The following SYNE2 variants were observed in gnomAD, a reference collection of about 807,000 sequenced individuals.
The protein encoded by SYNE2 is spectrin repeat containing nuclear envelope protein 2.
Under a neutral mutation model 856.3 loss-of-function variants are expected in SYNE2, and 431 were observed. That is an observed-to-expected ratio of 0.50 (90% CI 0.47 to 0.55). The LOEUF (loss-of-function observed/expected upper bound fraction) is 0.55. SYNE2 is among the 20% of genes least tolerant of loss of function. The pLI is 0.00. For missense variants in SYNE2, 8,129 were observed against 8,023.2 expected (o/e 1.01, Z -0.50); for synonymous variants, 2,923 against 2,872.3 (o/e 1.02, Z -0.56).
Position 63,872,697 on chromosome 14 carries a change from G to C in SYNE2, c.-52+19554G>C, listed in dbSNP as rs1897142337. Reference sequence around the variant, plus strand: ...GAATCGCTTGAAACCGGGAGGCAGAGGCTGCAGTGGCCTAAGATCACACCA... The same window carrying C: ...GAATCGCTTGAAACCGGGAGGCAGACGCTGCAGTGGCCTAAGATCACACCA... On this transcript the variant is annotated intron_variant, in intron 1 of 115. Coordinates refer to ENST00000555002, the MANE Select transcript of SYNE2 (RefSeq NM_182914.3). Among the ~76,000 whole-genome samples, 2 of 149,648 alleles carry C rather than the reference G, an allele frequency of 1.3e-5. 1 individual carries two copies. The highest frequency in any genetic ancestry group is 4.2e-4 in the South Asian group (2 of 4,742).
At chr14:64,026,817 G>A (rs1254606796) in intron 42 of SYNE2, 87 bp downstream of exon 42, 31 of 1,475,186 alleles carry the variant, frequency 2.1e-5, no homozygotes, top group Non-Finnish European at 1.9e-6. Context: ...CCTGGGTTTG[G>A]ATATAATATC....
rs1040490055 is a variant in SYNE2, at chr14:64,021,251, G to A, written c.5152-64G>A. On this transcript the variant is annotated intron_variant, in intron 35 of 115. Transcript: ENST00000555002. ...TAATCTCAACCCATTCTCTAGCAAT[G>A]CAGTTGTCTTAAATCTAGTTAAATA... 3.9e-5 allele frequency: 49 copies of A among 1,249,352 alleles called. No homozygotes were observed. In the African/African-American group the frequency reaches 4.0e-4, roughly 10 times the overall value. 77.4% of individuals were successfully genotyped at this position (1,249,352 alleles called of 1,614,324 possible).
Position 64,178,848 on chromosome 14 carries a change from A to G in SYNE2, c.17556+1365A>G, listed in dbSNP as rs1294965461. Among the ~76,000 whole-genome samples, 3 of 152,142 alleles carry G rather than the reference A, an allele frequency of 2.0e-5. No individual in the cohort carries two copies. In the East Asian group the frequency reaches 5.8e-4, roughly 29 times the overall value. On this transcript the variant is annotated intron_variant, in intron 96 of 115. Coordinates refer to ENST00000555002, the MANE Select transcript of SYNE2 (RefSeq NM_182914.3). ...CACTTTGGGAGGCTGCAGCGGGAGGATCCCTTGAGTCCAGCAGTTTGAAAG... is the reference window on the plus strand; with the variant it reads ...CACTTTGGGAGGCTGCAGCGGGAGGGTCCCTTGAGTCCAGCAGTTTGAAAG...
chr14:63,849,192 T>A (rs543259584), upstream of SYNE2, among the ~76,000 whole-genome samples: 1 of 152,140 alleles, frequency 6.6e-6, no homozygotes, highest in South Asian at 2.1e-4. Context: ...GTAAAAAATA[T>A]TGTAGCCAAA....
chr14:64,099,093 G>A (rs1418526655), intron 63 of SYNE2: 2 of 424,202 alleles, frequency 4.7e-6, no homozygotes, highest in African/African-American at 4.0e-5. Flanking sequence ...TGATTTCTGA[G>A]GACTTTCTCT....
In SYNE2 at chr14:64,158,682, C is replaced by G. The variant is rs2153711359; in HGVS notation, c.15850C>G (p.Gln5284Glu). The change falls in exon 86 of 116, where the codon CAA (glutamine) becomes GAA (glutamate). Residue 5284 changes from glutamine to glutamate, a missense_variant. This residue lies in a region of SYNE2 where 5,410 missense variants were observed against 5,284.8 expected (regional missense o/e 1.02). Transcript: ENST00000555002. Reference protein sequence around the residue: ...SVLQEWKIYDQLYDEVNMMTI... With the variant: ...SVLQEWKIYDELYDEVNMMTI... ...TTTACAGGAGTGGAAGATTTATGAT[C>G]AACTCTATGATGAAGTGAATATGAT... 2 of 1,613,932 alleles carry G rather than the reference C, an allele frequency of 1.2e-6. No homozygotes were observed. Among genetic ancestry groups the G allele is most frequent in the East Asian group, 4.5e-5 (2 of 44,866 alleles).
intron 1 of SYNE2, among the ~76,000 whole-genome samples, chr14:63,778,042 T>A (rs1327439064): frequency 6.6e-6 from 1 of 152,200 alleles, no homozygotes; most frequent in Non-Finnish European, 1.5e-5. Flanking sequence ...TATGATATGA[T>A]ATGGTTAGGC....
At chr14:63,862,205 A>T (rs1304589566) in intron 1 of SYNE2, among the ~76,000 whole-genome samples, 1 of 152,264 alleles carries the variant, frequency 6.6e-6, no homozygotes, top group Non-Finnish European at 1.5e-5. Flanking sequence ...GAGCTAATTT[A>T]CACAAAAGTT....
intron 7 of SYNE2, among the ~76,000 whole-genome samples, chr14:63,950,645 G>GAAGCACAGAGACCAGACAGTATGC (rs1415432206): frequency 6.6e-5 from 10 of 152,070 alleles, no homozygotes; most frequent in Non-Finnish European, 1.5e-4. Flanking sequence ...GCTCAATTAG[G>GAAGCACAGAGACCAGACAGTATGC]AAGCACAGAG....
rs1345453397 is a variant in SYNE2, at chr14:64,219,222, TGGGAGATGATTC to T, written c.19673_19684del (p.Trp6558_Gln6562delinsTer). On this transcript the variant is annotated stop_gained and inframe_deletion, in exon 110 of 116. Transcript: ENST00000555002. LOFTEE classifies it high-confidence loss of function. ...TTTAATTCCAGGTGCCTTCGACAGA[TGGGAGATGATTC>T]AAGCACAGGAGCTTCACAATAAGCT... 1.2e-6 allele frequency: 2 copies of T among 1,612,578 alleles called. No individual in the cohort carries two copies. Among genetic ancestry groups the T allele is most frequent in the Non-Finnish European group, 1.7e-6 (2 of 1,179,714 alleles).
At chr14:63,878,783 G>C (rs1398998308) in intron 1 of SYNE2, among the ~76,000 whole-genome samples, 1 of 152,198 alleles carries the variant, frequency 6.6e-6, no homozygotes, top group Non-Finnish European at 1.5e-5. Flanking sequence ...GATCTCAGGT[G>C]ATCCACCCAC....
At chr14:64,190,747 C>G (rs1185458299) in intron 99 of SYNE2, 26 of 659,912 alleles carry the variant, frequency 3.9e-5, no homozygotes, top group Non-Finnish European at 6.6e-5. Flanking sequence ...GGTGTCTTGT[C>G]CTAGGATGTG....
chr14:63,876,197 G>C (rs1418715708), intron 1 of SYNE2, among the ~76,000 whole-genome samples: 1 of 149,390 alleles, frequency 6.7e-6, no homozygotes, highest in Admixed American at 6.8e-5. Context: ...AGGATTGCTT[G>C]AGCCAAGGGG....
intron 21 of SYNE2, among the ~76,000 whole-genome samples, chr14:63,993,603 C>T (rs985695045): frequency 9.9e-5 from 15 of 152,138 alleles, no homozygotes; most frequent in African/African-American, 3.6e-4. Context: ...TGTGTAACTA[C>T]ATTTGAATAA....
intron 64 of SYNE2, among the ~76,000 whole-genome samples, chr14:64,107,049 C>T (rs1317847940): frequency 2.0e-5 from 3 of 152,122 alleles, no homozygotes. Context: ...GAGACAGGGT[C>T]TTACCATGTT....
rs3062027 is a variant in SYNE2 at position 63,948,782 on chromosome 14, G to GTATATATA, written c.409-1009_409-1002dup. The stretch of plus-strand genomic sequence containing the variant: ...TATGTATATATATGTATGTGTGTGT[G>GTATATATA]TATATATATATATATATATATATAT... On this transcript the variant is annotated intron_variant, in intron 6 of 115. Coordinates refer to ENST00000555002, the MANE Select transcript of SYNE2 (RefSeq NM_182914.3). Among the ~76,000 whole-genome samples the GTATATATA allele has an allele frequency of 4.1e-3, 181 of 43,850 alleles. 4 individuals are homozygous for GTATATATA. Among genetic ancestry groups the GTATATATA allele is most frequent in the Non-Finnish European group, 5.9e-3 (132 of 22,366 alleles). The allele number at this position is 43,850 out of a possible 152,430, so 28.8% of individuals were successfully genotyped here.
intron 113 of SYNE2, 73 bp downstream of exon 113, chr14:64,223,453 A>T: frequency 6.4e-7 from 1 of 1,557,074 alleles, no homozygotes; most frequent in Admixed American, 1.7e-5. Context: ...TGTTGTAGCA[A>T]TGCTCTAAGA....
At chr14:64,031,922 T>G (rs1340555715) in intron 45 of SYNE2, among the ~76,000 whole-genome samples, 3 of 152,234 alleles carry the variant, frequency 2.0e-5, no homozygotes, top group Non-Finnish European at 4.4e-5. Context: ...CTTGTGGCTC[T>G]TAAAGTGCGT....
intron 66 of SYNE2, among the ~76,000 whole-genome samples, chr14:64,116,010 T>A (rs1046851167): frequency 6.6e-5 from 10 of 151,728 alleles, no homozygotes; most frequent in African/African-American, 9.7e-5. Context: ...TAAAAAAAAA[T>A]TAAAAAATAA....
Sources: allele counts gnomAD v4.1 joint callset (sites outside exome capture counted in the v4.1 genomes callset), GRCh38; gene constraint gnomAD v4.1.1; regional missense constraint gnomAD v4.1.1; transcripts MANE v1.5; gene names NCBI Gene and HGNC (gene_info 2026-07-23, HGNC 2026-07-21).